Variants in ARGFX observed in about 807,000 individuals in gnomAD.
ARGFX encodes arginine-fifty homeobox.
ARGFX carries 10 observed loss-of-function variants against 8.0 expected under a neutral mutation model. The ratio of observed to expected loss-of-function variants is 1.25; its 90% CI spans 0.77 to 2.12. ARGFX has a LOEUF of 2.12. Among genes scored for constraint, ARGFX ranks in the 30% most tolerant of loss-of-function variants. The probability of loss-of-function intolerance (pLI) is 0.00; values close to 1 mark genes in which losing one functional copy is unlikely to be tolerated. For synonymous variants in ARGFX, 116 were observed against 117.8 expected, an observed-to-expected ratio of 0.98 and a Z score of 0.10; for missense variants, 282 against 324.3, an observed-to-expected ratio of 0.87 and a Z score of 1.00.
chr3:121,570,648 C>G, intron 1 of ARGFX, 54 bp from the exon 2 acceptor site: 1 of 1,204,978 alleles, frequency 8.3e-7, no homozygotes, highest in East Asian at 2.5e-5. Context: ...ACATTGCTAT[C>G]CAGCGAATGA....
intron 4 of ARGFX, 43 bp downstream of exon 4, chr3:121,585,108 C>T: frequency 6.2e-7 from 1 of 1,603,210 alleles, no homozygotes; most frequent in South Asian, 1.1e-5. Flanking sequence ...ATCCAAGCCA[C>T]ATTCACCTAT....
chr3:121,572,465 C>T (rs915729010), intron 2 of ARGFX, among the ~76,000 whole-genome samples: 6 of 150,492 alleles, frequency 4.0e-5, no homozygotes, highest in Non-Finnish European at 4.4e-5. Flanking sequence ...TAGATGGGCT[C>T]GAACTCCTGA....
intron 3 of ARGFX, among the ~76,000 whole-genome samples, chr3:121,578,100 T>C (rs1576442566): frequency 6.7e-6 from 1 of 148,190 alleles, no homozygotes; most frequent in Non-Finnish European, 1.5e-5. Flanking sequence ...GTACGTACTC[T>C]TAACATTCCC....
At chr3:121,581,708 C>A (rs934008964) in intron 3 of ARGFX, among the ~76,000 whole-genome samples, 2 of 151,908 alleles carry the variant, frequency 1.3e-5, no homozygotes, top group Non-Finnish European at 2.9e-5. Flanking sequence ...TGAGACCAGC[C>A]TGGACAACGT....
At position 121,585,066 on chromosome 3, in the gene ARGFX, G is replaced by A. The variant is rs762028926; in HGVS notation, c.369+1G>A. 2 of 1,613,724 alleles carry A rather than the reference G, an allele frequency of 1.2e-6. No individual in the cohort carries two copies. The highest frequency in any genetic ancestry group is 1.7e-4 in the Middle Eastern group (1 of 6,060). On this transcript the variant is annotated splice_donor_variant, in intron 4 of 4. Transcript: ENST00000334384. LOFTEE classifies it high-confidence loss of function. ...CGACCTACCGGAGTCAACAGTAAAG[G>A]TCTGATCCCCTGTGGTGTGCTTGGT... is the stretch of plus-strand genomic sequence containing the variant.
rs2048817151 is a variant in ARGFX at position 121,587,103 on chromosome 3, T to A, written c.*503T>A. Among the ~76,000 whole-genome samples, 1 of 151,700 alleles carries A rather than the reference T, an allele frequency of 6.6e-6. No homozygotes were observed. The highest frequency in any genetic ancestry group is 2.1e-4 in the South Asian group (1 of 4,800). On this transcript the variant is annotated 3_prime_UTR_variant, in exon 5 of 5. Coordinates refer to ENST00000334384, the MANE Select transcript of ARGFX (RefSeq NM_001012659.2). The stretch of plus-strand genomic sequence containing the variant: ...TCTCGCACTGTCACCCAGGGTGGAG[T>A]GCAGTGGCGGGATCTCAGCTCAGTG...
chr3:121,569,389 G>A (rs1366860704), intron 1 of ARGFX, among the ~76,000 whole-genome samples: 2 of 139,290 alleles, frequency 1.4e-5, no homozygotes, highest in East Asian at 2.0e-4. Context: ...TTTTTGAGAC[G>A]GAGTCTTGCT....
chr3:121,569,520 C>A (rs1191990346), intron 1 of ARGFX, among the ~76,000 whole-genome samples: 1 of 152,082 alleles, frequency 6.6e-6, no homozygotes, highest in East Asian at 1.9e-4. Context: ...TGCGTGCCAC[C>A]ACGCCCAGCT....
intron 1 of ARGFX, among the ~76,000 whole-genome samples, 179 bp from the exon 2 acceptor site, chr3:121,570,523 C>G (rs2048701275): frequency 6.6e-6 from 1 of 152,184 alleles, no homozygotes; most frequent in South Asian, 2.1e-4. Flanking sequence ...TTGACAAGTA[C>G]AGCTAGAGTA....
chr3:121,568,022 G>A lies in ARGFX; in HGVS notation c.-13+9G>A, dbSNP rs930106110. 3.9e-5 allele frequency among the ~76,000 whole-genome samples: 6 copies of A among 152,136 alleles called. No homozygotes were observed. Among genetic ancestry groups the A allele is most frequent in the African/African-American group, 1.4e-4 (6 of 41,428 alleles). On this transcript the variant is annotated intron_variant, in intron 1 of 4. Coordinates refer to ENST00000334384, the MANE Select transcript of ARGFX (RefSeq NM_001012659.2). ...AAGGGGATTCGTGACAGGTAAGCAT[G>A]GGGGAGCGGGGAGGGTAGCCAGAAT...
Position 121,575,827 on chromosome 3 carries a change from C to T in ARGFX, c.104-957C>T, listed in dbSNP as rs111951088. Among the ~76,000 whole-genome samples, 1,051 of 152,050 alleles carry T rather than the reference C, an allele frequency of 6.9e-3. 8 individuals are homozygous for T. The highest frequency in any genetic ancestry group is 0.013 in the South Asian group (62 of 4,814). ...ACTTGGGAGGCTGAGGCAGGAGAAT[C>T]GCTTGAACCTGTGGAGTGGAGGTTG... is the stretch of plus-strand genomic sequence containing the variant. On this transcript the variant is annotated intron_variant, in intron 2 of 4. Transcript: ENST00000334384.
intron 4 of ARGFX, 74 bp downstream of exon 4, chr3:121,585,139 C>A: frequency 6.7e-7 from 1 of 1,492,500 alleles, no homozygotes; most frequent in Admixed American, 1.9e-5. Flanking sequence ...AATTCCCCAC[C>A]CTCTACCCCT....
intron 3 of ARGFX, among the ~76,000 whole-genome samples, chr3:121,582,292 A>C (rs1253896902): frequency 6.6e-6 from 1 of 152,176 alleles, no homozygotes; most frequent in African/African-American, 2.4e-5. Flanking sequence ...CATTCCAGAA[A>C]TATTGTATCA....
At chr3:121,584,836 T>G in intron 3 of ARGFX, 81 bp from the exon 4 acceptor site, 1 of 1,486,718 alleles carries the variant, frequency 6.7e-7, no homozygotes, top group African/African-American at 1.4e-5. Flanking sequence ...GGTGATTTGT[T>G]TTTTGGTTTT....
chr3:121,572,870 C>A (rs1429610270), intron 2 of ARGFX, among the ~76,000 whole-genome samples: 2 of 152,144 alleles, frequency 1.3e-5, no homozygotes, highest in Non-Finnish European at 2.9e-5. Context: ...ATATAGTCAA[C>A]AAGGGTGCTA....
In ARGFX at chr3:121,588,549, A is replaced by G. The variant is rs2048827321; in HGVS notation, c.*1949A>G. Among the ~76,000 whole-genome samples the G allele has an allele frequency of 6.6e-6, 1 of 151,904 alleles. No individual in the cohort carries two copies. Among genetic ancestry groups the G allele is most frequent in the Non-Finnish European group, 1.5e-5 (1 of 67,988 alleles). ...ATAAGTACCTCTCAATGAAAAATGT[A>G]AAAGTACCTAGAAATTCACAAAAAA... On this transcript the variant is annotated 3_prime_UTR_variant, in exon 5 of 5. Transcript: ENST00000334384.
In ARGFX at chr3:121,589,296, A is replaced by G. The variant is rs1361772797; in HGVS notation, c.*2696A>G. Reference sequence around the variant, plus strand: ...AATCAATGCTTAGAAGGAAATTTATAGCTTCAAATACTTATATACATATTT... The same window carrying G: ...AATCAATGCTTAGAAGGAAATTTATGGCTTCAAATACTTATATACATATTT... On this transcript the variant is annotated 3_prime_UTR_variant, in exon 5 of 5. Transcript: ENST00000334384. 1.3e-5 allele frequency among the ~76,000 whole-genome samples: 2 copies of G among 152,246 alleles called. No individual in the cohort carries two copies. Among genetic ancestry groups the G allele is most frequent in the Non-Finnish European group, 2.9e-5 (2 of 68,040 alleles).
At chr3:121,576,097 G>C (rs764719939) in intron 2 of ARGFX, among the ~76,000 whole-genome samples, 10 of 151,816 alleles carry the variant, frequency 6.6e-5, no homozygotes, top group Non-Finnish European at 1.3e-4. Context: ...TTTATGTTTT[G>C]CCAAATTTTC....
In ARGFX at chr3:121,577,575, A is replaced by G. The variant is rs555261280; in HGVS notation, c.220+675A>G. On this transcript the variant is annotated intron_variant, in intron 3 of 4. Transcript: ENST00000334384. ...ACCTGGCCAGAAAAGTATATTTTAC[A>G]TGTCACATTACCCTGCTGAAAAGAC... is the stretch of plus-strand genomic sequence containing the variant. Among the ~76,000 whole-genome samples, 4 of 151,986 alleles carry G rather than the reference A, an allele frequency of 2.6e-5. No individual in the cohort carries two copies. The East Asian group carries it at 7.8e-4, about 30-fold the overall frequency.
Sources: allele counts gnomAD v4.1 joint callset (sites outside exome capture counted in the v4.1 genomes callset), GRCh38; gene constraint gnomAD v4.1.1; transcripts MANE v1.5; gene names NCBI Gene and HGNC (gene_info 2026-07-23, HGNC 2026-07-21).